The following TAF4 variants were observed in gnomAD, a reference collection of about 807,000 sequenced individuals.
TAF4 encodes the protein transcription initiation factor TFIID subunit 4.
Under a neutral mutation model 90.3 loss-of-function variants are expected in TAF4, and 9 were observed. The ratio of observed to expected loss-of-function variants is 0.10; its 90% CI spans 0.06 to 0.17. The LOEUF (loss-of-function observed/expected upper bound fraction) is 0.17. TAF4 is among the 10% of genes least tolerant of loss of function. The probability of loss-of-function intolerance (pLI) is 1.00; values close to 1 mark genes in which losing one functional copy is unlikely to be tolerated. For synonymous variants in TAF4, 818 were observed against 638.9 expected, an observed-to-expected ratio of 1.28 and a Z score of -4.23; for missense variants, 1,351 against 1,370.7, an observed-to-expected ratio of 0.99 and a Z score of 0.23.
chr20:62,051,326 G>A (rs1370937502), intron 1 of TAF4, among the ~76,000 whole-genome samples: 3 of 152,098 alleles, frequency 2.0e-5, no homozygotes, highest in African/African-American at 4.8e-5. Flanking sequence ...GACACCGGGG[G>A]TTCTGGGCCC....
chr20:62,017,506 G>T (rs1305493464), intron 1 of TAF4, among the ~76,000 whole-genome samples: 1 of 152,020 alleles, frequency 6.6e-6, no homozygotes, highest in African/African-American at 2.4e-5. Context: ...AATTAGCCAG[G>T]CATGGTGGCG....
intron 11 of TAF4, among the ~76,000 whole-genome samples, 180 bp downstream of exon 11, chr20:61,999,944 A>C (rs956397075): frequency 6.6e-6 from 1 of 152,178 alleles, no homozygotes; most frequent in Non-Finnish European, 1.5e-5. Flanking sequence ...GTGAGACCCT[A>C]CCTCAAAAAG....
chr20:61,992,628 G>A lies in TAF4; in HGVS notation c.3090+4922C>T, dbSNP rs139267813. Among the ~76,000 whole-genome samples, 792 of 152,246 alleles carry A rather than the reference G, an allele frequency of 5.2e-3. 7 individuals carry two copies. Among genetic ancestry groups the A allele is most frequent in the African/African-American group, 0.018 (753 of 41,536 alleles). On this transcript the variant is annotated intron_variant, in intron 14 of 14. Coordinates refer to ENST00000252996, the MANE Select transcript of TAF4 (RefSeq NM_003185.4). Reference sequence around the variant, plus strand: ...CCATGTTTTACACACATTTCCCAGTGCTGTCCACTGAAAAGGCCAACCCAC... The same window carrying A: ...CCATGTTTTACACACATTTCCCAGTACTGTCCACTGAAAAGGCCAACCCAC...
At chr20:61,976,794 T>C (rs775610279) in intron 14 of TAF4, among the ~76,000 whole-genome samples, 9 of 152,320 alleles carry the variant, frequency 5.9e-5, no homozygotes, top group Non-Finnish European at 1.0e-4. Flanking sequence ...TGGCTGGGAC[T>C]GGGCATGCTG....
At chr20:62,042,007 G>A (rs1030816591) in intron 1 of TAF4, among the ~76,000 whole-genome samples, 2 of 152,038 alleles carry the variant, frequency 1.3e-5, no homozygotes, top group Non-Finnish European at 1.5e-5. Context: ...CTGGGTAGAA[G>A]AGGGCAATTT....
At chr20:62,050,382 C>T (rs1233851677) in intron 1 of TAF4, among the ~76,000 whole-genome samples, 1 of 152,158 alleles carries the variant, frequency 6.6e-6, no homozygotes, top group African/African-American at 2.4e-5. Flanking sequence ...CCTCCTGGCA[C>T]CTCTGCCCCA....
At chr20:62,008,201 A>AC (rs1200325658) in intron 5 of TAF4, 2 of 152,722 alleles carry the variant, frequency 1.3e-5, no homozygotes, top group Non-Finnish European at 2.9e-5. Flanking sequence ...TTTCAGAAAC[A>AC]GAGGCCAGTG....
At chr20:62,053,533 T>C (rs2056042729) in intron 1 of TAF4, among the ~76,000 whole-genome samples, 1 of 152,176 alleles carries the variant, frequency 6.6e-6, no homozygotes, top group Admixed American at 6.5e-5. Flanking sequence ...CGAGCGACGT[T>C]TATGCTGAGA....
In TAF4 at chr20:62,003,796, C is replaced by T. The variant is rs770978928; in HGVS notation, c.2306G>A (p.Arg769Gln). ...TLTQTPMVAL[R>Q]QPHNRIMLTT... ...GAGCATGATCCGGTTGTGAGGCTGC[C>T]GCAGGGCGACCATGGGTGTCTGCGT... The change falls in exon 8 of 15, where the codon CGG (arginine) becomes CAG (glutamine). Residue 769 changes from arginine (R) to glutamine (Q), a missense_variant. Transcript: ENST00000252996. 1.9e-6 allele frequency: 3 copies of T among 1,609,208 alleles called. No individual in the cohort carries two copies. The highest frequency in any genetic ancestry group is 2.5e-6 in the Non-Finnish European group (3 of 1,179,486).
intron 1 of TAF4, among the ~76,000 whole-genome samples, chr20:62,021,987 G>A (rs1375660195): frequency 6.6e-6 from 1 of 152,166 alleles, no homozygotes; most frequent in African/African-American, 2.4e-5. Context: ...GCACACAGCG[G>A]CCAGCGGCGG....
intron 1 of TAF4, among the ~76,000 whole-genome samples, chr20:62,054,555 A>G (rs1432168625): frequency 6.6e-6 from 1 of 151,958 alleles, no homozygotes; most frequent in Non-Finnish European, 1.5e-5. Context: ...ATGTCCTTCC[A>G]CCCCAAGAGC....
intron 5 of TAF4, chr20:62,008,807 G>A (rs1379032908): frequency 7.6e-6 from 3 of 394,372 alleles, no homozygotes; most frequent in East Asian, 4.2e-5. Context: ...GCAGGCACCA[G>A]AAAACGGCAA....
At chr20:62,049,297 G>A (rs973040830) in intron 1 of TAF4, among the ~76,000 whole-genome samples, 2 of 152,146 alleles carry the variant, frequency 1.3e-5, no homozygotes, top group East Asian at 3.9e-4. Context: ...CCAGGAAGTG[G>A]ATCCCAAACA....
Position 62,065,036 on chromosome 20 carries a change from C to T in TAF4, c.775G>A (p.Ala259Thr), listed in dbSNP as rs1480343108. The change falls in exon 1 of 15, where the codon GCC becomes ACC. Residue 259 changes from alanine to threonine, a missense_variant. Around this residue, in one of 9 missense-constraint regions of TAF4, gnomAD observed 782 missense variants for 536.6 expected, o/e 1.46. Coordinates refer to ENST00000252996, the MANE Select transcript of TAF4 (RefSeq NM_003185.4). ...PPAPAAPSPP[A>T]APAPAAPAAA... ...GCGGGGGCGGCGGGCGCGGGGGCGGCGGGGGGCGAGGGCGCGGCGGGCGCG... is the reference window on the plus strand; with the variant it reads ...GCGGGGGCGGCGGGCGCGGGGGCGGTGGGGGGCGAGGGCGCGGCGGGCGCG... The T allele has an allele frequency of 4.6e-6, 2 of 435,514 alleles. No homozygotes were observed. Among genetic ancestry groups the T allele is most frequent in the African/African-American group, 1.2e-4 (2 of 16,412 alleles). The allele number at this position is 435,514 out of a possible 1,614,324, so 27.0% of individuals were successfully genotyped here.
At chr20:62,063,985 G>A (rs7272954) in intron 1 of TAF4, among the ~76,000 whole-genome samples, 3,994 of 152,312 alleles carry the variant, frequency 0.026, 176 homozygotes, top group African/African-American at 0.091. Context: ...GCTAAGTGGG[G>A]ACACAGGCCA....
At chr20:62,015,373 T>G (rs1447034027) in intron 1 of TAF4, among the ~76,000 whole-genome samples, 3 of 152,252 alleles carry the variant, frequency 2.0e-5, no homozygotes, top group Non-Finnish European at 4.4e-5. Context: ...GGTTTGGCAT[T>G]AATGTTAGCT....
intron 5 of TAF4, chr20:62,008,070 C>A (rs1180391166): frequency 6.4e-6 from 1 of 156,844 alleles, no homozygotes; most frequent in African/African-American, 2.4e-5. Context: ...AGGATCCACA[C>A]AGTCAGGGCA....
intron 9 of TAF4, among the ~76,000 whole-genome samples, chr20:62,002,181 C>A (rs1055557595): frequency 6.6e-6 from 1 of 152,230 alleles, no homozygotes; most frequent in African/African-American, 2.4e-5. Context: ...AAGTGCCCTC[C>A]CTTCTCACTG....
intron 1 of TAF4, among the ~76,000 whole-genome samples, chr20:62,062,765 C>T (rs1321248199): frequency 6.6e-6 from 1 of 152,186 alleles, no homozygotes; most frequent in East Asian, 1.9e-4. Flanking sequence ...TATTCCTTCA[C>T]CTCCTCCCAG....
Sources: allele counts gnomAD v4.1 joint callset (sites outside exome capture counted in the v4.1 genomes callset), GRCh38; gene constraint gnomAD v4.1.1; regional missense constraint gnomAD v4.1.1; transcripts MANE v1.5; gene names NCBI Gene and HGNC (gene_info 2026-07-23, HGNC 2026-07-21).